The following MME variants were observed in gnomAD, a reference collection of about 807,000 sequenced individuals.
MME encodes the protein membrane metalloendopeptidase, also known as neprilysin.
MME carries 98 observed loss-of-function variants against 113.2 expected under a neutral mutation model. The observed-to-expected ratio is 0.87, with a 90% CI of 0.74 to 1.02. MME has a LOEUF of 1.02. MME is among the 50% of genes least tolerant of loss of function. The pLI is 0.00. For synonymous variants in MME, 292 were observed against 300.6 expected (o/e 0.97, Z 0.30); for missense variants, 836 against 896.0 (o/e 0.93, Z 0.86).
intron 10 of MME, 120 bp from the exon 11 acceptor site, chr3:155,141,871 C>A: frequency 9.3e-7 from 1 of 1,073,170 alleles, no homozygotes; most frequent in Non-Finnish European, 1.4e-6. Flanking sequence ...CTGATTGAAA[C>A]AATTGAGGAA....
intron 1 of MME, among the ~76,000 whole-genome samples, chr3:155,035,359 T>C (rs1290987855): frequency 6.7e-6 from 1 of 149,698 alleles, no homozygotes; most frequent in Non-Finnish European, 1.5e-5. Flanking sequence ...ATAATAAATA[T>C]GTATTAAGTG....
intron 7 of MME, among the ~76,000 whole-genome samples, chr3:155,118,425 C>T (rs1340797512): frequency 6.6e-6 from 1 of 152,172 alleles, no homozygotes; most frequent in Non-Finnish European, 1.5e-5. Flanking sequence ...TTTCCACGTC[C>T]TAGAATCTAA....
At chr3:155,124,678 G>T (rs1240535569) in intron 8 of MME, among the ~76,000 whole-genome samples, 1 of 151,070 alleles carries the variant, frequency 6.6e-6, no homozygotes, top group Non-Finnish European at 1.5e-5. Context: ...ATACCCTGCC[G>T]TGTGAGGTGT....
At chr3:155,086,956 C>T (rs1715787610) in intron 3 of MME, among the ~76,000 whole-genome samples, 1 of 151,860 alleles carries the variant, frequency 6.6e-6, no homozygotes, top group Non-Finnish European at 1.5e-5. Flanking sequence ...AGGCACCTGC[C>T]ACCATTCCTG....
chr3:155,171,399 G>A (rs1711955521), intron 20 of MME, among the ~76,000 whole-genome samples: 1 of 151,958 alleles, frequency 6.6e-6, no homozygotes, highest in African/African-American at 2.4e-5. Context: ...ACATTCCTTT[G>A]TATTAAATTG....
chr3:155,109,704 C>T (rs1231055392), intron 3 of MME, among the ~76,000 whole-genome samples: 3 of 152,174 alleles, frequency 2.0e-5, no homozygotes, highest in Admixed American at 1.3e-4. Context: ...TCTGGACCCC[C>T]TCCAAAGATT....
chr3:155,104,475 C>T (rs1001572290), intron 3 of MME, among the ~76,000 whole-genome samples: 1 of 152,188 alleles, frequency 6.6e-6, no homozygotes, highest in African/African-American at 2.4e-5. Flanking sequence ...AGGCAGCATT[C>T]GAGAAGCACT....
chr3:155,107,111 T>G (rs1717752467), intron 3 of MME, among the ~76,000 whole-genome samples: 1 of 152,160 alleles, frequency 6.6e-6, no homozygotes, highest in Non-Finnish European at 1.5e-5. Flanking sequence ...ATCCCAGCAC[T>G]TTGGGAGACT....
At chr3:155,159,409 T>C (rs1368688998) in intron 16 of MME, among the ~76,000 whole-genome samples, 1 of 152,032 alleles carries the variant, frequency 6.6e-6, no homozygotes, top group Non-Finnish European at 1.5e-5. Flanking sequence ...TGCTGACATT[T>C]AAGAGGTTAT....
At chr3:155,092,893 T>C (rs1387956971) in intron 3 of MME, among the ~76,000 whole-genome samples, 1 of 152,128 alleles carries the variant, frequency 6.6e-6, no homozygotes, top group Non-Finnish European at 1.5e-5. Context: ...CTTCTTGGGG[T>C]AATGGAAGTG....
chr3:155,155,541 C>T (rs1722252023), intron 16 of MME, among the ~76,000 whole-genome samples: 1 of 152,156 alleles, frequency 6.6e-6, no homozygotes, highest in Non-Finnish European at 1.5e-5. Context: ...CAAGTGCCTA[C>T]TATGCTCCCA....
chr3:155,096,098 G>A (rs2108203954), intron 3 of MME, among the ~76,000 whole-genome samples: 1 of 152,316 alleles, frequency 6.6e-6, no homozygotes, highest in Non-Finnish European at 1.5e-5. Context: ...CTGGGATGTA[G>A]AAGCTAGCAA....
chr3:155,133,039 T>TA (rs796968290), intron 8 of MME, among the ~76,000 whole-genome samples: 15,036 of 48,002 alleles, frequency 0.31, 3,222 homozygotes, highest in South Asian at 0.42. Flanking sequence ...AAACCCCGTC[T>TA]AAAAAAAAAA....
At chr3:155,101,005 CCTA>C (rs1181537414) in intron 3 of MME, among the ~76,000 whole-genome samples, 1 of 152,140 alleles carries the variant, frequency 6.6e-6, no homozygotes, top group East Asian at 1.9e-4. Context: ...GGGGCAGATC[CCTA>C]ATGACTTGGC....
At chr3:155,161,221 GTTT>G (rs1181373427) in intron 17 of MME, among the ~76,000 whole-genome samples, 1 of 151,836 alleles carries the variant, frequency 6.6e-6, no homozygotes, top group Non-Finnish European at 1.5e-5. Context: ...TTTTCAGGGG[GTTT>G]TTAGCATTAG....
chr3:155,024,700 G>A (rs73874447), intron 1 of MME, among the ~76,000 whole-genome samples: 6,222 of 152,070 alleles, frequency 0.041, 424 homozygotes, highest in African/African-American at 0.14. Context: ...CCCTGATTTG[G>A]TCATTTTTGG....
intron 3 of MME, among the ~76,000 whole-genome samples, chr3:155,114,471 C>T (rs939925809): frequency 6.6e-6 from 1 of 152,152 alleles, no homozygotes; most frequent in Non-Finnish European, 1.5e-5. Context: ...ATTTGAATTA[C>T]AAAATTTATT....
Position 155,180,693 on chromosome 3 carries a change from T to A in MME, c.*234T>A, listed in dbSNP as rs1713007788. On this transcript the variant is annotated 3_prime_UTR_variant, in exon 23 of 23. Transcript: ENST00000360490. ...TCATTTCTCACTGTGTACATAATGCTTAATTTCTAAAGATAATATTACTGT... is the reference window on the plus strand; with the variant it reads ...TCATTTCTCACTGTGTACATAATGCATAATTTCTAAAGATAATATTACTGT... 1 of 500,974 alleles carries A rather than the reference T, an allele frequency of 2.0e-6. No individual in the cohort carries two copies. Among genetic ancestry groups the A allele is most frequent in the Non-Finnish European group, 3.7e-6 (1 of 273,634 alleles). The allele number at this position is 500,974 out of a possible 1,614,324, so 31.0% of individuals were successfully genotyped here.
At chr3:155,115,701 C>A (rs142936291) in intron 4 of MME, among the ~76,000 whole-genome samples, 5 of 152,156 alleles carry the variant, frequency 3.3e-5, no homozygotes, top group Non-Finnish European at 5.9e-5. Context: ...GCTGGGATTA[C>A]AGGTGTGAGC....
Sources: gnomAD v4.1 joint callset for allele counts (sites outside exome capture counted in the v4.1 genomes callset) on GRCh38, gnomAD v4.1.1 for gene constraint, MANE v1.5 for transcripts, NCBI Gene and HGNC (gene_info 2026-07-23, HGNC 2026-07-21) for gene names.